LRRC23: variants seen among roughly 807,000 people sequenced by gnomAD.
LRRC23 encodes leucine-rich repeat-containing protein 23.
A neutral mutation model predicts 37.7 loss-of-function variants in LRRC23; 28 were observed. The ratio of observed to expected loss-of-function variants is 0.74; its 90% confidence interval spans 0.55 to 1.02. The LOEUF is 1.02. Among genes scored for constraint, LRRC23 ranks in the 50% least tolerant of loss-of-function variants. The pLI is 0.00. For missense variants in LRRC23, 377 were observed against 413.2 expected, an observed-to-expected ratio of 0.91 and a Z score of 0.76; for synonymous variants, 161 against 165.4, an observed-to-expected ratio of 0.97 and a Z score of 0.20.
chr12:6,907,559 A>ACCAG, intron 5 of LRRC23, 114 bp downstream of exon 5: 2 of 1,099,170 alleles, frequency 1.8e-6, no homozygotes, highest in Non-Finnish European at 2.7e-6. Context: ...AATAACTGGT[A>ACCAG]TTATTATCAA....
chr12:6,909,420 TA>T (rs1945095875), intron 5 of LRRC23, among the ~76,000 whole-genome samples: 1 of 58,854 alleles, frequency 1.7e-5, no homozygotes, highest in Non-Finnish European at 2.5e-5. Flanking sequence ...ATATTATATA[TA>T]ATATATAAAT....
At chr12:6,908,692 C>T (rs1555140074) in intron 5 of LRRC23, among the ~76,000 whole-genome samples, 1 of 147,476 alleles carries the variant, frequency 6.8e-6, no homozygotes, top group Non-Finnish European at 1.5e-5. Flanking sequence ...CGTGTGGTGG[C>T]AGGCACCTGT....
chr12:6,907,793 C>T, intron 5 of LRRC23: 2 of 491,942 alleles, frequency 4.1e-6, no homozygotes, highest in East Asian at 3.7e-5. Flanking sequence ...CAATCATCAA[C>T]ATACGACTTC....
intron 4 of LRRC23, 115 bp downstream of exon 4, chr12:6,906,777 T>C: frequency 9.0e-7 from 1 of 1,114,376 alleles, no homozygotes; most frequent in South Asian, 1.5e-5. Context: ...ATTCATTCAT[T>C]CAGATACGCA....
At chr12:6,909,357 G>C (rs1277202710) in intron 5 of LRRC23, among the ~76,000 whole-genome samples, 2 of 24,954 alleles carry the variant, frequency 8.0e-5, no homozygotes, top group African/African-American at 4.1e-4. Context: ...ATATATAATA[G>C]TATATTATAT....
At chr12:6,913,555 G>GTTTTTTTTTT (rs869177982) in intron 7 of LRRC23, among the ~76,000 whole-genome samples, 27 of 76,390 alleles carry the variant, frequency 3.5e-4, no homozygotes, top group African/African-American at 6.0e-4. Context: ...ACCTCTGTTT[G>GTTTTTTTTTT]TTTTTTTTTT....
chr12:6,913,551 GTTTGTTTTTTT>G (rs1251583574), intron 7 of LRRC23, among the ~76,000 whole-genome samples: 1,661 of 78,120 alleles, frequency 0.021, 266 homozygotes, highest in African/African-American at 0.081. Context: ...ATTTACCTCT[GTTTGTTTTTTT>G]TTTTTTTTTT....
intron 7 of LRRC23, among the ~76,000 whole-genome samples, chr12:6,913,578 T>TTTTTTTTTTTC: frequency 7.5e-6 from 1 of 133,946 alleles, no homozygotes. Flanking sequence ...TTTTTTTTTT[T>TTTTTTTTTTTC]TTTTTGCGAG....
At chr12:6,909,336 AAT>A (rs1231206240) in intron 5 of LRRC23, among the ~76,000 whole-genome samples, 7 of 58,150 alleles carry the variant, frequency 1.2e-4, no homozygotes. Context: ...TAATATATAT[AAT>A]ATATAAATAT....
At chr12:6,911,987 T>A (rs1200804156) in intron 6 of LRRC23, among the ~76,000 whole-genome samples, 1 of 152,138 alleles carries the variant, frequency 6.6e-6, no homozygotes, top group Non-Finnish European at 1.5e-5. Context: ...CGGGGTGACA[T>A]AGTGAGACCC....
rs782761501 is a variant in LRRC23, at chr12:6,905,795, A to AG, written c.126+38dup. Reference sequence around the variant, plus strand: ...GGACAAGGAGGGGTCCTAGGGCTGAAGGAGGGGGTTGGGCAGGGGAGAGAC... The same window carrying AG: ...GGACAAGGAGGGGTCCTAGGGCTGAAGGGAGGGGGTTGGGCAGGGGAGAGAC... On this transcript the variant is annotated intron_variant, in intron 2 of 7. Transcript: ENST00000443597. 225 of 1,570,430 alleles carry AG rather than the reference A, an allele frequency of 1.4e-4. No homozygotes were observed. In the African/African-American group the frequency reaches 2.3e-3, roughly 16 times the overall value.
rs1329587487 is a variant in LRRC23, at chr12:6,909,112, TAC to T, written c.622-776_622-775del. On this transcript the variant is annotated intron_variant, in intron 5 of 7. Coordinates refer to ENST00000443597, the MANE Select transcript of LRRC23 (RefSeq NM_001135217.2). ...TTATATATTATATATAATATATAAT[TAC>T]ATATAATATATAATATATAATTATA... Among the ~76,000 whole-genome samples the T allele has an allele frequency of 2.5e-4, 5 of 19,966 alleles. No individual in the cohort carries two copies. In the African/African-American group the frequency reaches 2.6e-3, roughly 11 times the overall value. 13.1% of individuals were successfully genotyped at this position (19,966 alleles called of 152,430 possible).
chr12:6,913,510 C>T (rs577610885), intron 7 of LRRC23, among the ~76,000 whole-genome samples: 201 of 146,106 alleles, frequency 1.4e-3, no homozygotes, highest in Non-Finnish European at 2.3e-3. Context: ...TGAGGGTGGC[C>T]GCCAGGCACT....
chr12:6,909,423 TATATAA>T (rs1945096008), intron 5 of LRRC23, among the ~76,000 whole-genome samples: 1 of 58,166 alleles, frequency 1.7e-5, no homozygotes, highest in African/African-American at 1.5e-4. Context: ...TTATATATAA[TATATAA>T]ATATTATATA....
chr12:6,906,314 C>A, intron 3 of LRRC23, 95 bp from the exon 4 acceptor site: 1 of 1,193,070 alleles, frequency 8.4e-7, no homozygotes, highest in South Asian at 1.4e-5. Flanking sequence ...CCATTATAAG[C>A]CATCTCCATA....
chr12:6,912,891 A>G lies in LRRC23; in HGVS notation c.920A>G (p.Tyr307Cys), dbSNP rs1322455295. ...PYLERLDKEF[Y>C]EEEERAEADV... is the part of the protein sequence containing the mutation. The stretch of plus-strand genomic sequence containing the variant: ...CTTGAACGCCTGGACAAGGAATTCT[A>G]TGAGGAGGAGGAACGGGCTGAGGCT... The change falls in exon 7 of 8, where the codon TAT (tyrosine) becomes TGT (cysteine). Residue 307 changes from tyrosine to cysteine, a missense_variant. By Grantham distance (194) the Tyr-to-Cys change is radical. Transcript: ENST00000443597. 17 of 1,614,150 alleles carry G rather than the reference A, an allele frequency of 1.1e-5. No individual in the cohort carries two copies. Among genetic ancestry groups the G allele is most frequent in the Non-Finnish European group, 1.4e-5 (16 of 1,180,024 alleles).
intron 3 of LRRC23, 132 bp from the exon 4 acceptor site, chr12:6,906,277 C>A: frequency 1.1e-6 from 1 of 872,422 alleles, no homozygotes; most frequent in Non-Finnish European, 1.8e-6. Flanking sequence ...CTTCTTCTCC[C>A]CTACCATCTG....
intron 5 of LRRC23, 47 bp downstream of exon 5, chr12:6,907,492 T>G (rs782310518): frequency 6.2e-7 from 1 of 1,605,630 alleles, no homozygotes; most frequent in Non-Finnish European, 8.5e-7. Flanking sequence ...GGCACTGTCC[T>G]GGGGGTCAGG....
intron 2 of LRRC23, 38 bp downstream of exon 2, chr12:6,905,797 GA>G (rs781951780): frequency 1.5e-5 from 24 of 1,610,380 alleles, no homozygotes; most frequent in East Asian, 2.2e-5. Context: ...AGGGCTGAAG[GA>G]GGGGGTTGGG....
Sources: allele counts gnomAD v4.1 joint callset (sites outside exome capture counted in the v4.1 genomes callset), GRCh38; gene constraint gnomAD v4.1.1; transcripts MANE v1.5; gene names NCBI Gene and HGNC (gene_info 2026-07-23, HGNC 2026-07-21).